The following YTHDC2 variants were observed in gnomAD, a reference collection of about 807,000 sequenced individuals.
The protein encoded by YTHDC2 is YTH N6-methyladenosine RNA binding protein C2.
In YTHDC2, 45 loss-of-function variants were observed where a neutral mutation model predicts 174.9. The observed-to-expected ratio is 0.26, with a 90% CI of 0.20 to 0.33. The LOEUF is 0.33. Ranked by LOEUF, YTHDC2 falls within the 10% of genes least tolerant of loss-of-function variation. YTHDC2 has a pLI of 1.00. For missense variants in YTHDC2, 1,650 were observed against 1,723.7 expected (o/e 0.96, Z 0.76); for synonymous variants, 657 against 574.5 (o/e 1.14, Z -2.05).
At chr5:113,551,939 AAGC>A (rs1776277311) in intron 12 of YTHDC2, among the ~76,000 whole-genome samples, 1 of 152,154 alleles carries the variant, frequency 6.6e-6, no homozygotes, top group Admixed American at 6.6e-5. Context: ...TAAGATGAAG[AAGC>A]AAGGCATTTA....
At chr5:113,561,459 A>C (rs1049222613) in intron 18 of YTHDC2, among the ~76,000 whole-genome samples, 1 of 140,878 alleles carries the variant, frequency 7.1e-6, no homozygotes, top group Non-Finnish European at 1.5e-5. Flanking sequence ...CTATCTATCT[A>C]TCTATCTATC....
chr5:113,521,662 C>T (rs1355345359), intron 2 of YTHDC2, among the ~76,000 whole-genome samples: 5 of 149,990 alleles, frequency 3.3e-5, no homozygotes, highest in Admixed American at 6.7e-5. Flanking sequence ...ACCCAGGAGG[C>T]GGAGGTTGCA....
intron 7 of YTHDC2, among the ~76,000 whole-genome samples, chr5:113,537,692 T>C (rs1775178943): frequency 6.6e-6 from 1 of 152,118 alleles, no homozygotes; most frequent in South Asian, 2.1e-4. Context: ...TTCTATTTTT[T>C]CTTTTATACT....
intron 21 of YTHDC2, among the ~76,000 whole-genome samples, chr5:113,566,552 A>G (rs1777344475): frequency 6.6e-6 from 1 of 150,886 alleles, no homozygotes; most frequent in African/African-American, 2.4e-5. Flanking sequence ...GAAGAATAGT[A>G]CCAGAGCCTG....
chr5:113,545,728 ATTTTTTTTTTTT>A (rs1159754942), intron 10 of YTHDC2, among the ~76,000 whole-genome samples: 1 of 49,512 alleles, frequency 2.0e-5, no homozygotes, highest in Non-Finnish European at 3.2e-5. Flanking sequence ...ATTGATCTCC[ATTTTTTTTTTTT>A]TTTTTTTTTT....
intron 26 of YTHDC2, among the ~76,000 whole-genome samples, chr5:113,584,773 CTTTTTTTTTTTTT>C (rs34217644): frequency 1.1e-4 from 11 of 95,720 alleles, no homozygotes; most frequent in African/African-American, 4.4e-4. Context: ...CTTTCGAATC[CTTTTTTTTTTTTT>C]TTTTTTTTGA....
At position 113,553,874 on chromosome 5, in the gene YTHDC2, CTTT is replaced by C. The variant is rs34991903; in HGVS notation, c.2052+23_2052+25del. 1.3e-6 allele frequency: 2 copies of C among 1,581,238 alleles called. No homozygotes were observed. Among genetic ancestry groups the C allele is most frequent in the Non-Finnish European group, 1.7e-6 (2 of 1,171,518 alleles). ...AAAATAGTAAGCTTCATAAAATCTT[CTTT>C]TTAACACTTTCATTAGTTATTTTTT... On this transcript the variant is annotated intron_variant, in intron 15 of 29. Transcript: ENST00000161863.
chr5:113,581,448 A>G lies in YTHDC2; in HGVS notation c.3386A>G (p.Lys1129Arg). 6.2e-7 allele frequency: 1 copy of G among 1,611,084 alleles called. No homozygotes were observed. The highest frequency in any genetic ancestry group is 1.1e-5 in the South Asian group (1 of 90,562). ...AASLLLQLRQ[K>R]WHSLFLRRMR... ...AGTTTATTGCTGCAGCTCAGACAGAAGTGGCATAGCTTATTTTTACGCCGA... is the reference window on the plus strand; with the variant it reads ...AGTTTATTGCTGCAGCTCAGACAGAGGTGGCATAGCTTATTTTTACGCCGA... The change falls in exon 25 of 30, where the codon AAG becomes AGG. Residue 1129 changes from lysine (K) to arginine (R), a missense_variant. This residue lies in a region of YTHDC2 where 913 missense variants were observed against 940.4 expected (regional missense o/e 0.97). Transcript: ENST00000161863.
intron 2 of YTHDC2, among the ~76,000 whole-genome samples, chr5:113,524,679 G>T (rs544766309): frequency 1.3e-5 from 2 of 152,048 alleles, no homozygotes; most frequent in South Asian, 4.2e-4. Flanking sequence ...CATATTAACT[G>T]GTGATGTTTC....
chr5:113,556,137 A>G lies in YTHDC2; in HGVS notation c.2216+3A>G, dbSNP rs1202551346. On this transcript the variant is annotated splice_donor_region_variant and intron_variant, in intron 17 of 29. Coordinates refer to ENST00000161863, the MANE Select transcript of YTHDC2 (RefSeq NM_022828.5). ...AGTGCCATACAGCGGAAAGGCAGGT[A>G]ATGTATATTTAATGTATATTCATTC... 12 of 1,585,224 alleles carry G rather than the reference A, an allele frequency of 7.6e-6. No homozygotes were observed. Among genetic ancestry groups the G allele is most frequent in the Non-Finnish European group, 9.5e-6 (11 of 1,156,672 alleles).
chr5:113,547,691 A>G (rs1775981628), intron 10 of YTHDC2, among the ~76,000 whole-genome samples: 1 of 152,170 alleles, frequency 6.6e-6, no homozygotes, highest in African/African-American at 2.4e-5. Context: ...GCCTGAGGCA[A>G]TTTTCTTGTC....
chr5:113,531,074 G>C (rs34546184), intron 4 of YTHDC2, among the ~76,000 whole-genome samples: 4 of 152,166 alleles, frequency 2.6e-5, no homozygotes, highest in Non-Finnish European at 4.4e-5. Flanking sequence ...TTGTAGGTAA[G>C]GGTTTTCCCC....
intron 7 of YTHDC2, among the ~76,000 whole-genome samples, chr5:113,537,053 C>T (rs1486771010): frequency 6.6e-6 from 1 of 152,118 alleles, no homozygotes; most frequent in Non-Finnish European, 1.5e-5. Context: ...GATCCCCCGC[C>T]TCGCCCCTGC....
At position 113,594,590 on chromosome 5, in the gene YTHDC2, G is replaced by C. The variant is rs559283920; in HGVS notation, c.*1116G>C. 1 of 151,752 alleles carries C rather than the reference G, an allele frequency of 6.6e-6. No homozygotes were observed. The highest frequency in any genetic ancestry group is 2.4e-5 in the African/African-American group (1 of 41,286). 9.4% of individuals were successfully genotyped at this position (151,752 alleles called of 1,614,324 possible). A position where few individuals can be genotyped will look rare whatever the true frequency, so the allele number is the denominator to read the frequency against. The stretch of plus-strand genomic sequence containing the variant: ...AGTCTCATATTTCTTTGCCATCTCA[G>C]AATTATCTTTTTACCACCACTGTTT... On this transcript the variant is annotated 3_prime_UTR_variant, in exon 30 of 30. Transcript: ENST00000161863.
chr5:113,586,315 T>C (rs1778677106), intron 26 of YTHDC2, among the ~76,000 whole-genome samples: 1 of 152,048 alleles, frequency 6.6e-6, no homozygotes, highest in Non-Finnish European at 1.5e-5. Context: ...CTTTGTGAAA[T>C]GTCTGTTCAA....
At chr5:113,568,770 A>G (rs1396670205) in intron 23 of YTHDC2, among the ~76,000 whole-genome samples, 1 of 152,032 alleles carries the variant, frequency 6.6e-6, no homozygotes, top group African/African-American at 2.4e-5. Context: ...TATCTAGCCT[A>G]CCATTGATGG....
At chr5:113,536,918 T>A (rs2112599160) in intron 7 of YTHDC2, among the ~76,000 whole-genome samples, 1 of 152,358 alleles carries the variant, frequency 6.6e-6, no homozygotes, top group South Asian at 2.1e-4. Flanking sequence ...TGAACAGTTT[T>A]CCAGTTTAGT....
intron 4 of YTHDC2, among the ~76,000 whole-genome samples, chr5:113,531,917 T>TTTTACTCTAAATTAAAAATTTA (rs1185931982): frequency 2.8e-4 from 43 of 152,274 alleles, no homozygotes; most frequent in African/African-American, 9.6e-4. Context: ...TTGATAATTT[T>TTTTACTCTAAATTAAAAATTTA]TTTACTCTAA....
rs57110469 is a variant in YTHDC2 at position 113,520,093 on chromosome 5, C to T, written c.278+4731C>T. ...CAGGCCCCTGTGTGTGATGTTCCCC[C>T]GCTATGTCCATGTGTTCTCATTTTT... On this transcript the variant is annotated intron_variant, in intron 2 of 29. Coordinates refer to ENST00000161863, the MANE Select transcript of YTHDC2 (RefSeq NM_022828.5). Among the ~76,000 whole-genome samples, 613 of 152,146 alleles carry T rather than the reference C, an allele frequency of 4.0e-3. 3 individuals are homozygous for T. The highest frequency in any genetic ancestry group is 0.014 in the African/African-American group (565 of 41,510).
Sources: allele counts gnomAD v4.1 joint callset (sites outside exome capture counted in the v4.1 genomes callset), GRCh38; gene constraint gnomAD v4.1.1; regional missense constraint gnomAD v4.1.1; transcripts MANE v1.5; gene names NCBI Gene and HGNC (gene_info 2026-07-23, HGNC 2026-07-21).